LYST: variants seen among roughly 807,000 people sequenced by gnomAD.
LYST encodes lysosomal-trafficking regulator.
A neutral mutation model predicts 413.6 loss-of-function variants in LYST; 192 were observed. That is an observed-to-expected ratio of 0.46 (90% confidence interval 0.41 to 0.52). LYST has a LOEUF of 0.52. Among genes scored for constraint, LYST ranks in the 20% least tolerant of loss-of-function variants. The pLI, the probability that LYST is intolerant of heterozygous loss-of-function variation, is 0.00. For synonymous variants in LYST, 1,525 were observed against 1,567.3 expected (o/e 0.97, Z 0.64); for missense variants, 3,815 against 4,499.9 (o/e 0.85, Z 4.35).
chr1:235,844,095 G>T (rs941347890), intron 1 of LYST, among the ~76,000 whole-genome samples: 1 of 152,108 alleles, frequency 6.6e-6, no homozygotes, highest in Non-Finnish European at 1.5e-5. Flanking sequence ...ATCAAAATCT[G>T]CCATGATTTG....
chr1:235,711,847 T>A (rs1392197316), intron 43 of LYST, among the ~76,000 whole-genome samples: 1 of 152,072 alleles, frequency 6.6e-6, no homozygotes, highest in African/African-American at 2.4e-5. Flanking sequence ...AGTTAAAAGT[T>A]ACAGTTTTCC....
At chr1:235,694,180 TTTTTTTGTATTTTTA>T in intron 46 of LYST, among the ~76,000 whole-genome samples, 1 of 151,994 alleles carries the variant, frequency 6.6e-6, no homozygotes, top group East Asian at 1.9e-4. Flanking sequence ...CGGCTGATTT[TTTTTTTGTATTTTTA>T]GTAGAGACGG....
At chr1:235,680,034 C>G (rs777817399) in intron 48 of LYST, among the ~76,000 whole-genome samples, 1 of 151,514 alleles carries the variant, frequency 6.6e-6, no homozygotes, top group Admixed American at 6.6e-5. Context: ...CACACACACA[C>G]AACTAAGACT....
intron 31 of LYST, among the ~76,000 whole-genome samples, chr1:235,739,921 A>G (rs1487537073): frequency 2.0e-5 from 3 of 152,318 alleles, no homozygotes; most frequent in South Asian, 4.1e-4. Flanking sequence ...AAATTCAATA[A>G]TGATACCACT....
intron 31 of LYST, chr1:235,739,101 T>C (rs556052055): frequency 5.6e-6 from 3 of 534,874 alleles, no homozygotes; most frequent in Admixed American, 4.5e-5. Context: ...GATGTTAAGA[T>C]GGATTGGGAA....
At chr1:235,746,800 TA>T (rs1435632873) in intron 28 of LYST, among the ~76,000 whole-genome samples, 1 of 152,182 alleles carries the variant, frequency 6.6e-6, no homozygotes, top group Non-Finnish European at 1.5e-5. Context: ...AAGTTCGAGT[TA>T]AAAAGTATTA....
In LYST at chr1:235,780,885, C is replaced by T. The variant is rs772468145; in HGVS notation, c.5194G>A (p.Val1732Met). Residue 1732 changes from valine (V) to methionine (M), a missense_variant, in exon 16 of 53, where the codon GTG becomes ATG. By Grantham distance (21) the Val-to-Met change is conservative (BLOSUM62 1). Around this residue, in one of 4 missense-constraint regions of LYST, gnomAD observed 530 missense variants for 696.5 expected, o/e 0.76. Transcript: ENST00000389793. The stretch of plus-strand genomic sequence containing the variant: ...CTTACAATTAAGAGACCAATATCCA[C>T]ATCTTTCTTGGTCATAAAAAGTTCT... ...IRELFMTKKD[V>M]DIGLLIESLS... The T allele has an allele frequency of 2.0e-6, 3 of 1,527,364 alleles. No homozygotes were observed. Among genetic ancestry groups the T allele is most frequent in the Non-Finnish European group, 2.7e-6 (3 of 1,119,646 alleles). The allele number at this position is 1,527,364 out of a possible 1,614,324, so 94.6% of individuals were successfully genotyped here.
chr1:235,814,196 A>C (rs1673788518), intron 3 of LYST, among the ~76,000 whole-genome samples: 1 of 152,192 alleles, frequency 6.6e-6, no homozygotes, highest in Non-Finnish European at 1.5e-5. Context: ...AAGTGGTATT[A>C]GGTTGGGATA....
intron 44 of LYST, among the ~76,000 whole-genome samples, chr1:235,706,191 C>G (rs1477942900): frequency 1.3e-5 from 2 of 152,164 alleles, no homozygotes; most frequent in Non-Finnish European, 1.5e-5. Context: ...GTTTAGGACA[C>G]ACAACCCCAA....
At chr1:235,844,191 A>T (rs994177095) in intron 1 of LYST, among the ~76,000 whole-genome samples, 3 of 152,190 alleles carry the variant, frequency 2.0e-5, no homozygotes, top group Admixed American at 1.3e-4. Flanking sequence ...ATATATTGAT[A>T]GATTGATTAG....
chr1:235,693,275 A>G, intron 47 of LYST, 75 bp downstream of exon 47: 1 of 1,115,154 alleles, frequency 9.0e-7, no homozygotes, highest in Non-Finnish European at 1.3e-6. Flanking sequence ...AAGATGTGTC[A>G]CTGCGCTCCA....
chr1:235,665,446 C>G (rs1658353229), intron 50 of LYST, among the ~76,000 whole-genome samples: 1 of 151,654 alleles, frequency 6.6e-6, no homozygotes, highest in Non-Finnish European at 1.5e-5. Flanking sequence ...CCCATCTCTA[C>G]TAAAAATACA....
chr1:235,726,542 T>C (rs192522246), intron 38 of LYST, among the ~76,000 whole-genome samples: 82 of 152,204 alleles, frequency 5.4e-4, no homozygotes, highest in Admixed American at 5.2e-3. Flanking sequence ...GTACACACAT[T>C]TGCACACACA....
At position 235,685,511 on chromosome 1, in the gene LYST, G is replaced by T. The variant is rs138971303; in HGVS notation, c.10800+1438C>A. ...ATTTATACCTCAGTGACCATGCAAA[G>T]AAACTTAACAAGAGTTCAAAAGGGA... On this transcript the variant is annotated intron_variant, in intron 48 of 52. Coordinates refer to ENST00000389793, the MANE Select transcript of LYST (RefSeq NM_000081.4). Among the ~76,000 whole-genome samples the T allele has an allele frequency of 1.1e-3, 171 of 152,112 alleles. 1 individual carries two copies. The highest frequency in any genetic ancestry group is 3.9e-3 in the African/African-American group (160 of 41,498).
rs779792781 is a variant in LYST at position 235,734,600 on chromosome 1, C to T, written c.8418G>A (p.Leu2806=). Residue 2806 remains leucine (L), a synonymous_variant, in exon 32 of 53, where the codon TTG becomes TTA. Coordinates refer to ENST00000389793, the MANE Select transcript of LYST (RefSeq NM_000081.4). ...CTGCTGTGCCTAGCTCTTCTTCAGT[C>T]AATTCACCTTGGTGATTATGTATCA... The part of the protein sequence containing the change: ...SELIHNHQGE[L]TEEELGTAEL... 6 of 1,613,200 alleles carry T rather than the reference C, an allele frequency of 3.7e-6. No individual in the cohort carries two copies. The Admixed American group carries it at 1.0e-4, about 27-fold the overall frequency.
Position 235,777,141 on chromosome 1 carries a change from T to C in LYST, c.5382A>G (p.Gln1794=), listed in dbSNP as rs1669349921. The C allele has an allele frequency of 6.8e-6, 11 of 1,613,120 alleles. No individual in the cohort carries two copies. Among genetic ancestry groups the C allele is most frequent in the South Asian group, 4.4e-5 (4 of 91,066 alleles). ...LLEPHHLKNL[Q]PTEYKTIQGI... is the part of the protein sequence containing the mutation. The stretch of plus-strand genomic sequence containing the variant: ...CTTGAATAGTTTTATATTCAGTAGG[T>C]TGGAGATTCTTTAGATGATGAGGTT... The change falls in exon 17 of 53, where the codon CAA becomes CAG. Residue 1794 remains glutamine, a synonymous_variant. Coordinates refer to ENST00000389793, the MANE Select transcript of LYST (RefSeq NM_000081.4).
intron 12 of LYST, 105 bp from the exon 13 acceptor site, chr1:235,788,950 T>C: frequency 1.0e-6 from 1 of 993,466 alleles, no homozygotes. Context: ...TTGTAGTAGG[T>C]TATCTACCCA....
At chr1:235,831,607 T>G (rs529743856) in intron 2 of LYST, among the ~76,000 whole-genome samples, 63 of 152,296 alleles carry the variant, frequency 4.1e-4, no homozygotes, top group Non-Finnish European at 6.9e-4. Flanking sequence ...TTCCTGTTCA[T>G]CCTGGGACCT....
chr1:235,864,281 G>T (rs1680234595), intron 1 of LYST, among the ~76,000 whole-genome samples: 1 of 152,076 alleles, frequency 6.6e-6, no homozygotes, highest in South Asian at 2.1e-4. Context: ...AAGTATCATT[G>T]AATATTTTTT....
Sources: gnomAD v4.1 joint callset for allele counts (sites outside exome capture counted in the v4.1 genomes callset) on GRCh38, gnomAD v4.1.1 for gene constraint, gnomAD v4.1.1 regional missense constraint, MANE v1.5 for transcripts, NCBI Gene and HGNC (gene_info 2026-07-23, HGNC 2026-07-21) for gene names.